The following UNC13B variants were observed in gnomAD, a reference collection of about 807,000 sequenced individuals.
UNC13B encodes the protein protein unc-13 homolog B.
UNC13B carries 144 observed loss-of-function variants against 211.0 expected under a neutral mutation model. The ratio of observed to expected loss-of-function variants is 0.68; its 90% CI spans 0.60 to 0.78. The LOEUF (loss-of-function observed/expected upper bound fraction) is 0.78. Among genes scored for constraint, UNC13B ranks in the 30% least tolerant of loss-of-function variants. The probability of loss-of-function intolerance (pLI) is 0.00; values close to 1 mark genes in which losing one functional copy is unlikely to be tolerated. For synonymous variants in UNC13B, 709 were observed against 725.8 expected, an observed-to-expected ratio of 0.98 and a Z score of 0.37; for missense variants, 1,777 against 2,002.0, an observed-to-expected ratio of 0.89 and a Z score of 2.14.
rs541849886 is a variant in UNC13B at position 35,197,784 on chromosome 9, G to A, written c.23-30231G>A. On this transcript the variant is annotated intron_variant, in intron 1 of 39. Transcript: ENST00000635942. ...ACCTTCTCTCCCTCCTGCTCCAACC[G>A]GGTAAGATGTGCCTGCTTCCCCTTT... is the stretch of plus-strand genomic sequence containing the variant. Among the ~76,000 whole-genome samples, 11 of 152,146 alleles carry A rather than the reference G, an allele frequency of 7.2e-5. 1 individual carries two copies. In the South Asian group the frequency reaches 1.7e-3, roughly 23 times the overall value.
intron 11 of UNC13B, among the ~76,000 whole-genome samples, chr9:35,329,979 C>G (rs1831275838): frequency 6.6e-6 from 1 of 152,102 alleles, no homozygotes; most frequent in Non-Finnish European, 1.5e-5. Flanking sequence ...GCCCAAGAGC[C>G]CATTCACAAT....
rs1161392919 is a variant in UNC13B, at chr9:35,306,436, A to G, written c.7032A>G (p.Thr2344=). The part of the protein sequence containing the change: ...PSPEFQAQAE[T]FLTGPENLGI... The stretch of plus-strand genomic sequence containing the variant: ...CAGAATTTCAGGCACAGGCTGAAAC[A>G]TTCCTCACTGGCCCAGAGAACCTTG... The change falls in exon 9 of 40, where the codon ACA becomes ACG. Residue 2344 remains threonine (T), a synonymous_variant. Transcript: ENST00000635942. The G allele has an allele frequency of 3.0e-5, 12 of 398,964 alleles. No individual in the cohort carries two copies. The East Asian group carries it at 3.6e-4, about 12-fold the overall frequency. The allele number at this position is 398,964 out of a possible 1,614,324, so 24.7% of individuals were successfully genotyped here.
intron 8 of UNC13B, among the ~76,000 whole-genome samples, chr9:35,299,354 T>C (rs1302582584): frequency 6.6e-6 from 1 of 152,218 alleles, no homozygotes; most frequent in African/African-American, 2.4e-5. Flanking sequence ...GAAATATGTT[T>C]GACTATATTC....
At chr9:35,298,509 AG>A (rs1161144984) in intron 8 of UNC13B, among the ~76,000 whole-genome samples, 1 of 151,814 alleles carries the variant, frequency 6.6e-6, no homozygotes, top group Non-Finnish European at 1.5e-5. Context: ...GTTTAGACAC[AG>A]GGTCTTGCGT....
chr9:35,378,192 C>T (rs1472159837), intron 16 of UNC13B, 103 bp from the exon 17 acceptor site: 18 of 1,450,682 alleles, frequency 1.2e-5, no homozygotes, highest in Non-Finnish European at 1.6e-5. Flanking sequence ...ATTACGGTAT[C>T]TGTGCAAGGA....
At chr9:35,201,986 A>G (rs11496461) in intron 1 of UNC13B, among the ~76,000 whole-genome samples, 28,329 of 152,080 alleles carry the variant, frequency 0.19, 2,975 homozygotes, top group Non-Finnish European at 0.24. Flanking sequence ...AGTGCTATAA[A>G]TTTCCGTCTA....
chr9:35,239,627 T>G (rs1278953800), intron 5 of UNC13B, among the ~76,000 whole-genome samples: 2 of 152,198 alleles, frequency 1.3e-5, no homozygotes, highest in Admixed American at 1.3e-4. Flanking sequence ...CTTGTCCTAA[T>G]AAGCCTGGGA....
intron 31 of UNC13B, 110 bp from the exon 32 acceptor site, chr9:35,398,444 G>T: frequency 7.3e-7 from 1 of 1,365,534 alleles, no homozygotes; most frequent in Non-Finnish European, 1.0e-6. Context: ...AAGGCCCTGC[G>T]AGGGAGGAAT....
chr9:35,227,088 A>T (rs1824889990), intron 1 of UNC13B, among the ~76,000 whole-genome samples: 1 of 152,198 alleles, frequency 6.6e-6, no homozygotes, highest in East Asian at 1.9e-4. Flanking sequence ...TGGGAAGAGG[A>T]TTTGAACTGA....
At chr9:35,314,556 C>T (rs1830348916) in intron 11 of UNC13B, among the ~76,000 whole-genome samples, 1 of 151,846 alleles carries the variant, frequency 6.6e-6, no homozygotes, top group Non-Finnish European at 1.5e-5. Context: ...ACTTTTTTTT[C>T]CATATAAATT....
intron 7 of UNC13B, among the ~76,000 whole-genome samples, chr9:35,282,774 C>T (rs565910704): frequency 2.0e-5 from 3 of 152,162 alleles, no homozygotes; most frequent in South Asian, 4.2e-4. Context: ...GTTCCCCCTC[C>T]GTCTCTTGCT....
At chr9:35,218,720 A>T (rs1228367998) in intron 1 of UNC13B, among the ~76,000 whole-genome samples, 1 of 151,296 alleles carries the variant, frequency 6.6e-6, no homozygotes, top group Non-Finnish European at 1.5e-5. Context: ...AGAAATGTGC[A>T]GAGTTAATGT....
At chr9:35,391,548 A>G (rs530681788) in intron 26 of UNC13B, among the ~76,000 whole-genome samples, 5 of 152,146 alleles carry the variant, frequency 3.3e-5, no homozygotes, top group Non-Finnish European at 7.4e-5. Flanking sequence ...AACCTTGAAG[A>G]TCTGTGTTAC....
intron 7 of UNC13B, among the ~76,000 whole-genome samples, chr9:35,275,736 G>A (rs1238228770): frequency 1.3e-5 from 2 of 151,930 alleles, no homozygotes; most frequent in Non-Finnish European, 2.9e-5. Context: ...GGGATTACAG[G>A]CGCCTGCAAC....
rs1457010319 is a variant in UNC13B at position 35,262,088 on chromosome 9, G to A, written c.526+3038G>A. Among the ~76,000 whole-genome samples the A allele has an allele frequency of 2.0e-5, 3 of 152,068 alleles. No individual in the cohort carries two copies. In the East Asian group the frequency reaches 5.8e-4, roughly 29 times the overall value. On this transcript the variant is annotated intron_variant, in intron 7 of 39. Coordinates refer to ENST00000635942, the MANE Select transcript of UNC13B (RefSeq NM_001371189.2). The stretch of plus-strand genomic sequence containing the variant: ...TGCGAACATTGCTGCAACAAACATA[G>A]GAGTGCAGATATCTCTTTGATATAC...
At chr9:35,401,701 C>G (rs985861752) in intron 37 of UNC13B, among the ~76,000 whole-genome samples, 1 of 152,074 alleles carries the variant, frequency 6.6e-6, no homozygotes, top group Admixed American at 6.6e-5. Context: ...TCTCAGATAC[C>G]TCCTCTCTGT....
intron 1 of UNC13B, among the ~76,000 whole-genome samples, chr9:35,186,723 T>C (rs1193670545): frequency 6.6e-6 from 1 of 152,128 alleles, no homozygotes; most frequent in Non-Finnish European, 1.5e-5. Context: ...CAATCAAGTA[T>C]GATGTTTACA....
intron 37 of UNC13B, among the ~76,000 whole-genome samples, chr9:35,400,801 C>T (rs1836247798): frequency 6.6e-6 from 1 of 152,144 alleles, no homozygotes; most frequent in African/African-American, 2.4e-5. Flanking sequence ...TGTGAAGGCT[C>T]ATAGTGTGTG....
At chr9:35,378,000 A>T (rs1245638976) in intron 16 of UNC13B, among the ~76,000 whole-genome samples, 2 of 151,908 alleles carry the variant, frequency 1.3e-5, no homozygotes, top group African/African-American at 4.8e-5. Context: ...AGGGCAGGGG[A>T]CCAGGGAGTA....
Sources: allele counts gnomAD v4.1 joint callset (sites outside exome capture counted in the v4.1 genomes callset), GRCh38; gene constraint gnomAD v4.1.1; transcripts MANE v1.5; gene names NCBI Gene and HGNC (gene_info 2026-07-23, HGNC 2026-07-21).